The following CCDC171 variants were observed in gnomAD, a reference collection of about 807,000 sequenced individuals.
The protein encoded by CCDC171 is coiled-coil domain-containing protein 171.
CCDC171 carries 177 observed loss-of-function variants against 168.2 expected under a neutral mutation model. That is an observed-to-expected ratio of 1.05 (90% confidence interval 0.93 to 1.19). The LOEUF is 1.19. Ranked by LOEUF, CCDC171 falls within the 50% of genes most tolerant of loss-of-function variation. CCDC171 has a pLI of 0.00. For missense variants in CCDC171, 1,991 were observed against 1,539.0 expected (o/e 1.29, Z -4.91); for synonymous variants, 687 against 540.8 (o/e 1.27, Z -3.75).
At chr9:15,608,502 A>G (rs1482205681) in intron 6 of CCDC171, among the ~76,000 whole-genome samples, 1 of 152,152 alleles carries the variant, frequency 6.6e-6, no homozygotes, top group Non-Finnish European at 1.5e-5. Flanking sequence ...GAAATAGGAT[A>G]TGTGTGAAAT....
intron 25 of CCDC171, among the ~76,000 whole-genome samples, chr9:15,944,347 T>C (rs1365360124): frequency 6.6e-6 from 1 of 151,912 alleles, no homozygotes; most frequent in Non-Finnish European, 1.5e-5. Flanking sequence ...TCTGTGAACA[T>C]GAAACAGAAG....
intron 3 of CCDC171, among the ~76,000 whole-genome samples, chr9:16,001,031 A>C (rs1832527167): frequency 6.6e-6 from 1 of 152,168 alleles, no homozygotes. Flanking sequence ...GATTCACAGT[A>C]ACCAAACTTG....
intron 3 of CCDC171, among the ~76,000 whole-genome samples, chr9:16,007,369 C>T (rs1443097621): frequency 6.6e-6 from 1 of 151,994 alleles, no homozygotes; most frequent in Non-Finnish European, 1.5e-5. Flanking sequence ...AAGTTTTCTC[C>T]CATTCTGTAG....
rs1451949027 is a variant in CCDC171 at position 15,973,548 on chromosome 9, T to C, written c.*1712T>C. 6.6e-6 allele frequency: 1 copy of C among 152,182 alleles called. No individual in the cohort carries two copies. The highest frequency in any genetic ancestry group is 6.6e-5 in the Admixed American group (1 of 15,264). 9.4% of individuals were successfully genotyped at this position (152,182 alleles called of 1,614,324 possible). A position where few individuals can be genotyped will look rare whatever the true frequency, so the allele number is the denominator to read the frequency against. On this transcript the variant is annotated 3_prime_UTR_variant, in exon 26 of 26. Coordinates refer to ENST00000380701, the MANE Select transcript of CCDC171 (RefSeq NM_173550.4). ...AGCTTTATATAAAACTTTAGAAAGC[T>C]TATATGGAGTAAAATTATATCTTTA...
intron 24 of CCDC171, among the ~76,000 whole-genome samples, chr9:15,897,579 C>G (rs1316187532): frequency 6.6e-6 from 1 of 152,076 alleles, no homozygotes; most frequent in Non-Finnish European, 1.5e-5. Context: ...ATCTGTAGCT[C>G]AGAGTCAATG....
At chr9:15,620,136 A>G (rs2044390136) in intron 6 of CCDC171, among the ~76,000 whole-genome samples, 1 of 152,250 alleles carries the variant, frequency 6.6e-6, no homozygotes, top group East Asian at 1.9e-4. Flanking sequence ...CCTTGCTAAC[A>G]CAACATCCAT....
intron 7 of CCDC171, among the ~76,000 whole-genome samples, chr9:15,629,597 C>T (rs2045500213): frequency 6.6e-6 from 1 of 152,180 alleles, no homozygotes; most frequent in South Asian, 2.1e-4. Flanking sequence ...AGTTGGAAAA[C>T]ACTCTGCAGG....
intron 18 of CCDC171, among the ~76,000 whole-genome samples, chr9:15,776,653 A>T (rs747745138): frequency 1.3e-5 from 2 of 152,210 alleles, no homozygotes; most frequent in Non-Finnish European, 2.9e-5. Flanking sequence ...TCTCCATGAG[A>T]CAGTTCTTTA....
At chr9:16,093,758 C>A in the CCDC171 span, among the ~76,000 whole-genome samples, 1 of 152,142 alleles carries the variant, frequency 6.6e-6, no homozygotes, top group Admixed American at 6.5e-5. Flanking sequence ...GACAAGCATG[C>A]CAGCTAACCA....
chr9:15,829,625 A>G lies in CCDC171; in HGVS notation c.3268-17077A>G, dbSNP rs371176937. 8.5e-5 allele frequency among the ~76,000 whole-genome samples: 13 copies of G among 152,180 alleles called. No individual in the cohort carries two copies. In the East Asian group the frequency reaches 2.1e-3, roughly 25 times the overall value. On this transcript the variant is annotated intron_variant, in intron 21 of 25. Transcript: ENST00000380701. ...CAAGAGATTCATATTATATATGCTA[A>G]AAGAACTATGTAGGCTGGGCATGGT...
At chr9:16,057,582 T>C (rs1833860460) in intron 1 of CCDC171, among the ~76,000 whole-genome samples, 1 of 152,216 alleles carries the variant, frequency 6.6e-6, no homozygotes, top group Admixed American at 6.5e-5. Context: ...GATCTGCACC[T>C]TTAGGCTTTC....
At position 15,818,013 on chromosome 9, in the gene CCDC171, A is replaced by C. The variant is rs1438499472; in HGVS notation, c.3268-28689A>C. ...AGACAAAACTTCCAGAGGAACGATC[A>C]GGCAGCAGCATTTGCGGTTCACTAA... On this transcript the variant is annotated intron_variant, in intron 21 of 25. Coordinates refer to ENST00000380701, the MANE Select transcript of CCDC171 (RefSeq NM_173550.4). Among the ~76,000 whole-genome samples the C allele has an allele frequency of 1.7e-5, 2 of 117,136 alleles. 1 individual carries two copies. The highest frequency in any genetic ancestry group is 6.4e-5 in the African/African-American group (2 of 31,136). 76.8% of individuals were successfully genotyped at this position (117,136 alleles called of 152,430 possible). A position where few individuals can be genotyped will look rare whatever the true frequency, so the allele number is the denominator to read the frequency against.
At chr9:15,870,403 G>A (rs1210857126) in intron 23 of CCDC171, among the ~76,000 whole-genome samples, 2 of 151,718 alleles carry the variant, frequency 1.3e-5, no homozygotes, top group African/African-American at 2.4e-5. Flanking sequence ...TTTTCATATG[G>A]ATCTATATCT....
intron 18 of CCDC171, among the ~76,000 whole-genome samples, chr9:15,762,178 A>C (rs1294051887): frequency 6.6e-6 from 1 of 150,378 alleles, no homozygotes; most frequent in African/African-American, 2.4e-5. Context: ...TTTTTAAGAA[A>C]GCTAAGTTGG....
intron 8 of CCDC171, among the ~76,000 whole-genome samples, chr9:15,659,279 A>T (rs997298747): frequency 6.6e-6 from 1 of 152,222 alleles, no homozygotes; most frequent in African/African-American, 2.4e-5. Context: ...AGGAAAGTTA[A>T]GGAAATTACA....
intron 3 of CCDC171, among the ~76,000 whole-genome samples, chr9:15,575,437 G>C (rs901398779): frequency 1.3e-5 from 2 of 152,108 alleles, no homozygotes; most frequent in African/African-American, 4.8e-5. Flanking sequence ...GCCTCCCAAA[G>C]TGCTGGGACA....
upstream of CCDC171, chr9:15,552,954 T>G (rs1416983482): frequency 2.0e-5 from 3 of 152,180 alleles, no homozygotes; most frequent in Non-Finnish European, 4.4e-5. Context: ...GAGCCAGCGT[T>G]CTCGGAGTAC....
downstream of CCDC171, among the ~76,000 whole-genome samples, chr9:16,064,575 T>C (rs1053856785): frequency 1.3e-5 from 2 of 152,202 alleles, no homozygotes; most frequent in African/African-American, 2.4e-5. Flanking sequence ...AAGATCTGCC[T>C]GGTGAGCTGT....
chr9:15,669,337 A>G (rs1273370799), intron 9 of CCDC171, among the ~76,000 whole-genome samples: 1 of 152,084 alleles, frequency 6.6e-6, no homozygotes. Context: ...TTTATTTTTA[A>G]TTATGGGTAA....
Sources: gnomAD v4.1 joint callset for allele counts (sites outside exome capture counted in the v4.1 genomes callset) on GRCh38, gnomAD v4.1.1 for gene constraint, MANE v1.5 for transcripts, NCBI Gene and HGNC (gene_info 2026-07-23, HGNC 2026-07-21) for gene names.